CENPP: variants seen among roughly 807,000 people sequenced by gnomAD.
CENPP encodes centromere protein P.
Under a neutral mutation model 35.6 loss-of-function variants are expected in CENPP, and 24 were observed. The ratio of observed to expected loss-of-function variants is 0.67; its 90% CI spans 0.49 to 0.95. The LOEUF (loss-of-function observed/expected upper bound fraction) is 0.95, where lower values mean the gene tolerates loss of function less well. Among genes scored for constraint, CENPP ranks in the 40% least tolerant of loss-of-function variants. The probability of loss-of-function intolerance (pLI) is 0.00; values close to 1 mark genes in which losing one functional copy is unlikely to be tolerated. For synonymous variants in CENPP, 120 were observed against 125.5 expected, an observed-to-expected ratio of 0.96 and a Z score of 0.29; for missense variants, 332 against 345.3, an observed-to-expected ratio of 0.96 and a Z score of 0.31.
At chr9:92,362,968 G>A (rs1279985950) in intron 4 of CENPP, among the ~76,000 whole-genome samples, 5 of 151,940 alleles carry the variant, frequency 3.3e-5, no homozygotes, top group South Asian at 2.1e-4. Flanking sequence ...TCTTTAAGCC[G>A]GCTCCTGAAT....
chr9:92,538,971 CA>C (rs1849252641), intron 5 of CENPP: 1 of 152,038 alleles, frequency 6.6e-6, no homozygotes, highest in Non-Finnish European at 1.5e-5. Context: ...AATTGTCTAC[CA>C]TATGACAGCT....
At chr9:92,431,253 T>C (rs1398438456) in intron 5 of CENPP, among the ~76,000 whole-genome samples, 1 of 152,252 alleles carries the variant, frequency 6.6e-6, no homozygotes, top group African/African-American at 2.4e-5. Flanking sequence ...AATGGGACTG[T>C]TTCCATACAC....
chr9:92,581,446 A>G (rs968353779), intron 5 of CENPP, among the ~76,000 whole-genome samples: 2 of 152,210 alleles, frequency 1.3e-5, no homozygotes, highest in Admixed American at 6.5e-5. Context: ...GTGACCAAAG[A>G]TGAAACGAAG....
At chr9:92,543,572 G>T (rs1300860127) in intron 5 of CENPP, among the ~76,000 whole-genome samples, 1 of 142,794 alleles carries the variant, frequency 7.0e-6, no homozygotes, top group Non-Finnish European at 1.5e-5. Flanking sequence ...TTTCTGTTAA[G>T]AATGACATTG....
chr9:92,429,526 C>T (rs1347548137), intron 5 of CENPP, among the ~76,000 whole-genome samples: 5 of 152,150 alleles, frequency 3.3e-5, no homozygotes, highest in African/African-American at 1.2e-4. Flanking sequence ...GTGGCTCACT[C>T]CTGTAATCCC....
chr9:92,567,381 T>TATATATATATATATATAG (rs1564005527), intron 5 of CENPP, among the ~76,000 whole-genome samples: 4 of 80,208 alleles, frequency 5.0e-5, no homozygotes, highest in African/African-American at 2.9e-4. Context: ...TAGATATATA[T>TATATATATATATATATAG]ATATATATAT....
intron 5 of CENPP, among the ~76,000 whole-genome samples, chr9:92,503,473 CT>C (rs1310864697): frequency 6.6e-6 from 1 of 152,146 alleles, no homozygotes; most frequent in Non-Finnish European, 1.5e-5. Context: ...TTTAGATTTG[CT>C]TTTGTTATAA....
chr9:92,345,210 G>A (rs1841255076), intron 3 of CENPP, among the ~76,000 whole-genome samples: 1 of 151,958 alleles, frequency 6.6e-6, no homozygotes, highest in Admixed American at 6.5e-5. Flanking sequence ...CCGAGATCGC[G>A]CCACCACACT....
chr9:92,390,299 T>C (rs1234367102), intron 5 of CENPP, among the ~76,000 whole-genome samples: 1 of 152,092 alleles, frequency 6.6e-6, no homozygotes, highest in Non-Finnish European at 1.5e-5. Flanking sequence ...ATCTTAAAGT[T>C]AATCGAGTCT....
At chr9:92,558,454 G>A (rs1341845967) in intron 5 of CENPP, among the ~76,000 whole-genome samples, 1 of 152,168 alleles carries the variant, frequency 6.6e-6, no homozygotes, top group Non-Finnish European at 1.5e-5. Flanking sequence ...CTCTGGGCTG[G>A]TACTGGGGTT....
intron 5 of CENPP, among the ~76,000 whole-genome samples, chr9:92,547,205 T>C (rs971113151): frequency 6.6e-6 from 1 of 152,082 alleles, no homozygotes; most frequent in Admixed American, 6.6e-5. Context: ...TTAAAAAGAA[T>C]AAAGAAAGCA....
At chr9:92,433,224 G>A (rs1246526538) in intron 5 of CENPP, among the ~76,000 whole-genome samples, 2 of 152,194 alleles carry the variant, frequency 1.3e-5, no homozygotes, top group African/African-American at 2.4e-5. Context: ...AAGAGGGAGT[G>A]ATTCCACTCC....
intron 5 of CENPP, among the ~76,000 whole-genome samples, chr9:92,400,038 T>G (rs1330276486): frequency 3.9e-5 from 6 of 152,238 alleles, no homozygotes; most frequent in East Asian, 1.9e-4. Flanking sequence ...ATAAAAAAAT[T>G]TATTGGTAAT....
intron 5 of CENPP, among the ~76,000 whole-genome samples, chr9:92,569,890 T>G (rs1392399401): frequency 6.6e-6 from 1 of 152,198 alleles, no homozygotes; most frequent in Non-Finnish European, 1.5e-5. Flanking sequence ...TTGTCTGTTA[T>G]TGGTGTATAG....
chr9:92,366,970 C>T (rs1038214705), intron 4 of CENPP, among the ~76,000 whole-genome samples: 5 of 152,136 alleles, frequency 3.3e-5, no homozygotes, highest in East Asian at 1.9e-4. Flanking sequence ...GCAGTCAAAA[C>T]GCAGGTGTAC....
Position 92,367,704 on chromosome 9 carries a change from G to A in CENPP, c.468-12059G>A, listed in dbSNP as rs1267577891. Among the ~76,000 whole-genome samples the A allele has an allele frequency of 3.3e-5, 5 of 151,554 alleles. No homozygotes were observed. In the East Asian group the frequency reaches 7.8e-4, roughly 24 times the overall value. On this transcript the variant is annotated intron_variant, in intron 4 of 7. Transcript: ENST00000375587. The stretch of plus-strand genomic sequence containing the variant: ...GCGATCTCGGCTCACTGCAACCTCC[G>A]CCTCCTGGGTTCAAGCGATTCTTCT...
At chr9:92,515,865 T>C (rs1847670566) in intron 5 of CENPP, among the ~76,000 whole-genome samples, 1 of 152,164 alleles carries the variant, frequency 6.6e-6, no homozygotes. Flanking sequence ...TGATGTTGCT[T>C]TAACTTAGAC....
rs200975219 is a variant in CENPP at position 92,613,051 on chromosome 9, A to T, written c.769A>T (p.Thr257Ser). ...LELDKNRAIETAPLSFRTLVG... is the reference protein window; with the variant it reads ...LELDKNRAIESAPLSFRTLVG... Reference sequence around the variant, plus strand: ...GCTGGACAAGAACAGAGCCATAGAAACTGCTCCTCTCAGCTTCCGAACCCT... The same window carrying T: ...GCTGGACAAGAACAGAGCCATAGAATCTGCTCCTCTCAGCTTCCGAACCCT... Residue 257 changes from threonine (T) to serine (S), a missense_variant, in exon 8 of 8, where the codon ACT (threonine) becomes TCT (serine). Thr to Ser is a moderately conservative substitution (Grantham distance 58). Coordinates refer to ENST00000375587, the MANE Select transcript of CENPP (RefSeq NM_001012267.3). 8 of 1,614,162 alleles carry T rather than the reference A, an allele frequency of 5.0e-6. No individual in the cohort carries two copies. The South Asian group carries it at 8.8e-5, about 18-fold the overall frequency.
chr9:92,434,388 C>CAAAA (rs57677848), intron 5 of CENPP, among the ~76,000 whole-genome samples: 4 of 97,276 alleles, frequency 4.1e-5, no homozygotes, highest in East Asian at 3.7e-4. Flanking sequence ...GACTCTGTCT[C>CAAAA]AAAAAAAAAA....
Sources: allele counts gnomAD v4.1 joint callset (sites outside exome capture counted in the v4.1 genomes callset), GRCh38; gene constraint gnomAD v4.1.1; transcripts MANE v1.5; gene names NCBI Gene and HGNC (gene_info 2026-07-23, HGNC 2026-07-21).